The following SH3BGR variants were observed in gnomAD, a reference collection of about 807,000 sequenced individuals.
SH3BGR encodes SH3 domain-binding glutamic acid-rich protein.
In SH3BGR, 29 loss-of-function variants were observed where a neutral mutation model predicts 24.5. The observed-to-expected ratio is 1.18, with a 90% CI of 0.88 to 1.61. The LOEUF (loss-of-function observed/expected upper bound fraction) is 1.61, where lower values mean the gene tolerates loss of function less well. Among genes scored for constraint, SH3BGR ranks in the 40% most tolerant of loss-of-function variants. SH3BGR has a pLI of 0.00. For synonymous variants in SH3BGR, 55 were observed against 65.7 expected, an observed-to-expected ratio of 0.84 and a Z score of 0.79; for missense variants, 162 against 205.8, an observed-to-expected ratio of 0.79 and a Z score of 1.30.
chr21:39,452,058 A>G lies in SH3BGR; in HGVS notation c.-39A>G. On this transcript the variant is annotated 5_prime_UTR_variant, in exon 1 of 7. Transcript: ENST00000333634. ...TTTGTCTAGCGGCGCATTCCCTGAC[A>G]GGGGTGTGTTGGGGGGAGTCCTCTT... The G allele has an allele frequency of 6.2e-7, 1 of 1,611,664 alleles. No homozygotes were observed. The highest frequency in any genetic ancestry group is 8.5e-7 in the Non-Finnish European group (1 of 1,179,724).
At chr21:39,480,265 G>A (rs1322156396) in intron 3 of SH3BGR, among the ~76,000 whole-genome samples, 1 of 152,134 alleles carries the variant, frequency 6.6e-6, no homozygotes, top group Non-Finnish European at 1.5e-5. Context: ...ATGTAGAGTT[G>A]TGCAACCACC....
chr21:39,447,476 C>T (rs542114033), upstream of SH3BGR, among the ~76,000 whole-genome samples: 84 of 135,988 alleles, frequency 6.2e-4, no homozygotes, highest in Admixed American at 1.1e-3. Context: ...AATGCAGTGG[C>T]GCCATCCCAG....
At chr21:39,479,136 G>A (rs767525560) in intron 3 of SH3BGR, among the ~76,000 whole-genome samples, 2 of 152,166 alleles carry the variant, frequency 1.3e-5, no homozygotes, top group African/African-American at 2.4e-5. Context: ...TAGGAAGGCT[G>A]AGGTGAGAGG....
Position 39,499,641 on chromosome 21 carries a change from C to T in SH3BGR, c.313-182C>T, listed in dbSNP as rs77559741. 9.5e-3 allele frequency among the ~76,000 whole-genome samples: 1,440 copies of T among 152,240 alleles called. 11 individuals carry two copies. The highest frequency in any genetic ancestry group is 0.015 in the Non-Finnish European group (1,025 of 68,012). The stretch of plus-strand genomic sequence containing the variant: ...GGTTGGATCTTTGACTTATCCCAGT[C>T]GGCATTTTGGAGTTTGGAGATCCTA... On this transcript the variant is annotated intron_variant, in intron 3 of 6. Transcript: ENST00000333634.
intron 3 of SH3BGR, among the ~76,000 whole-genome samples, chr21:39,494,248 CTTCT>C (rs1429075044): frequency 2.6e-5 from 3 of 114,454 alleles, no homozygotes; most frequent in Admixed American, 9.4e-5. Flanking sequence ...TCTTCTTCTT[CTTCT>C]TTTTTTTTTT....
intron 4 of SH3BGR, among the ~76,000 whole-genome samples, chr21:39,505,500 C>T (rs2078566850): frequency 6.6e-6 from 1 of 152,138 alleles, no homozygotes; most frequent in South Asian, 2.1e-4. Context: ...CGGTGTCTCA[C>T]ACCTGTATTC....
At chr21:39,469,887 C>G (rs1390543100) in intron 2 of SH3BGR, among the ~76,000 whole-genome samples, 1 of 152,042 alleles carries the variant, frequency 6.6e-6, no homozygotes, top group Non-Finnish European at 1.5e-5. Flanking sequence ...GACTCCTGAC[C>G]TCAGGTGATC....
At chr21:39,488,640 G>T in intron 3 of SH3BGR, 1 of 341,532 alleles carries the variant, frequency 2.9e-6, no homozygotes. Flanking sequence ...TGTTTGACAA[G>T]GAAGAGAAGG....
At chr21:39,508,445 A>G in intron 4 of SH3BGR, among the ~76,000 whole-genome samples, 1 of 152,214 alleles carries the variant, frequency 6.6e-6, no homozygotes, top group East Asian at 1.9e-4. Context: ...GGGTGACCCC[A>G]CCCACTCTTA....
chr21:39,452,686 CCA>C (rs1232725827), intron 1 of SH3BGR, among the ~76,000 whole-genome samples: 10 of 152,144 alleles, frequency 6.6e-5, no homozygotes, highest in Non-Finnish European at 1.3e-4. Context: ...ATCTCTCAGG[CCA>C]CAGTTATAAA....
intron 3 of SH3BGR, among the ~76,000 whole-genome samples, chr21:39,496,959 A>G (rs1375493908): frequency 3.3e-5 from 5 of 152,060 alleles, no homozygotes; most frequent in African/African-American, 1.2e-4. Context: ...GGAACTAAGA[A>G]ACATTATCTT....
chr21:39,505,969 C>T (rs1459690175), intron 4 of SH3BGR, among the ~76,000 whole-genome samples: 1 of 152,096 alleles, frequency 6.6e-6, no homozygotes, highest in East Asian at 1.9e-4. Flanking sequence ...ACCAATAATT[C>T]TATGGTACAT....
At chr21:39,463,530 G>C (rs1406381498) in intron 2 of SH3BGR, among the ~76,000 whole-genome samples, 1 of 152,226 alleles carries the variant, frequency 6.6e-6, no homozygotes, top group Non-Finnish European at 1.5e-5. Flanking sequence ...AGCGCCATGC[G>C]CCTGGGACTG....
intron 4 of SH3BGR, 30 bp from the exon 5 acceptor site, chr21:39,508,968 T>C (rs2123549747): frequency 7.6e-6 from 12 of 1,576,868 alleles, no homozygotes; most frequent in Non-Finnish European, 1.0e-5. Context: ...AATTATGTTT[T>C]TTTCTTTAAT....
intron 2 of SH3BGR, among the ~76,000 whole-genome samples, chr21:39,473,230 C>G (rs541314825): frequency 6.6e-6 from 1 of 152,314 alleles, no homozygotes; most frequent in South Asian, 2.1e-4. Context: ...GTTCACTCAA[C>G]TATAATAAAA....
At chr21:39,493,997 C>G (rs1602145962) in intron 3 of SH3BGR, among the ~76,000 whole-genome samples, 1 of 152,042 alleles carries the variant, frequency 6.6e-6, no homozygotes, top group South Asian at 2.1e-4. Flanking sequence ...TTTATTAGTT[C>G]TAAGAGCTTT....
chr21:39,495,230 C>CAAAAAG (rs1044508713), intron 3 of SH3BGR, among the ~76,000 whole-genome samples: 3 of 152,084 alleles, frequency 2.0e-5, no homozygotes, highest in Admixed American at 1.3e-4. Flanking sequence ...GAATGAGTAA[C>CAAAAAG]ATTTTCCTGG....
Position 39,479,301 on chromosome 21 carries a change from G to A in SH3BGR, c.312+4086G>A, listed in dbSNP as rs1411364834. 2.0e-5 allele frequency among the ~76,000 whole-genome samples: 3 copies of A among 148,218 alleles called. 1 individual carries two copies. Among genetic ancestry groups the A allele is most frequent in the Non-Finnish European group, 4.4e-5 (3 of 67,500 alleles). On this transcript the variant is annotated intron_variant, in intron 3 of 6. Coordinates refer to ENST00000333634, the MANE Select transcript of SH3BGR (RefSeq NM_007341.3). Reference sequence around the variant, plus strand: ...GATAGTGATGGTGGTAGTGGTAATGGTCATGGTGGTGATGGTGGTGGTGGA... The same window carrying A: ...GATAGTGATGGTGGTAGTGGTAATGATCATGGTGGTGATGGTGGTGGTGGA...
chr21:39,503,676 C>T (rs989670807), intron 4 of SH3BGR, among the ~76,000 whole-genome samples: 2 of 152,262 alleles, frequency 1.3e-5, no homozygotes, highest in African/African-American at 2.4e-5. Context: ...TTAAAAAAAT[C>T]AACAGAAATG....
Sources: gnomAD v4.1 joint callset for allele counts (sites outside exome capture counted in the v4.1 genomes callset) on GRCh38, gnomAD v4.1.1 for gene constraint, MANE v1.5 for transcripts, NCBI Gene and HGNC (gene_info 2026-07-23, HGNC 2026-07-21) for gene names.